The following RFX3 variants were observed in gnomAD, a reference collection of about 807,000 sequenced individuals.
RFX3 encodes the protein transcription factor RFX3.
RFX3 carries 14 observed loss-of-function variants against 98.6 expected under a neutral mutation model. The ratio of observed to expected loss-of-function variants is 0.14; its 90% CI spans 0.09 to 0.22. The LOEUF (loss-of-function observed/expected upper bound fraction) is 0.22, where lower values mean the gene tolerates loss of function less well. Among genes scored for constraint, RFX3 ranks in the 10% least tolerant of loss-of-function variants. RFX3 has a pLI of 1.00. For missense variants in RFX3, 639 were observed against 926.9 expected, an observed-to-expected ratio of 0.69 and a Z score of 4.03; for synonymous variants, 383 against 328.4, an observed-to-expected ratio of 1.17 and a Z score of -1.80.
intron 1 of RFX3, among the ~76,000 whole-genome samples, chr9:3,481,979 C>CT (rs1387907112): frequency 1.3e-5 from 2 of 152,052 alleles, no homozygotes; most frequent in Non-Finnish European, 2.9e-5. Flanking sequence ...AGAGAACACT[C>CT]TGATAATTGA....
chr9:3,308,971 T>C (rs1829650573), intron 4 of RFX3, among the ~76,000 whole-genome samples: 1 of 152,134 alleles, frequency 6.6e-6, no homozygotes, highest in Non-Finnish European at 1.5e-5. Flanking sequence ...ATCTCCACAC[T>C]AAGCCTGGAG....
intron 2 of RFX3, among the ~76,000 whole-genome samples, chr9:3,374,337 A>G (rs966369814): frequency 7.2e-5 from 11 of 152,290 alleles, no homozygotes; most frequent in South Asian, 2.1e-4. Flanking sequence ...TATACTCAAA[A>G]TAATTGAAAG....
intron 1 of RFX3, chr9:3,489,559 G>A: frequency 4.1e-6 from 1 of 244,134 alleles, no homozygotes. Flanking sequence ...TGATAAGCCT[G>A]CTACTGTATC....
intron 2 of RFX3, among the ~76,000 whole-genome samples, chr9:3,381,042 TAAAG>T (rs897491491): frequency 1.6e-3 from 238 of 152,190 alleles, no homozygotes; most frequent in African/African-American, 5.5e-3. Flanking sequence ...TTAAAATAAT[TAAAG>T]AAACACTCCA....
At chr9:3,263,565 T>C (rs969115229) in intron 12 of RFX3, among the ~76,000 whole-genome samples, 1 of 152,202 alleles carries the variant, frequency 6.6e-6, no homozygotes, top group South Asian at 2.1e-4. Flanking sequence ...TGTGAGAGCA[T>C]TACCATTCAG....
Position 3,516,716 on chromosome 9 carries a change from C to T in RFX3, c.-9+9031G>A, listed in dbSNP as rs528731803. Among the ~76,000 whole-genome samples the T allele has an allele frequency of 2.6e-5, 4 of 151,846 alleles. No homozygotes were observed. In the Middle Eastern group the frequency reaches 0.01, roughly 387 times the overall value. ...ATCAGAGAGCACACATGCACTAGCTCGCTTTCGCACTCTCTCTCTCTCTCT... is the reference window on the plus strand; with the variant it reads ...ATCAGAGAGCACACATGCACTAGCTTGCTTTCGCACTCTCTCTCTCTCTCT... On this transcript the variant is annotated intron_variant, in intron 1 of 16. Coordinates refer to ENST00000617270, the MANE Select transcript of RFX3 (RefSeq NM_001282116.2).
At chr9:3,394,129 T>C (rs1449853625) in intron 2 of RFX3, among the ~76,000 whole-genome samples, 1 of 152,166 alleles carries the variant, frequency 6.6e-6, no homozygotes, top group African/African-American at 2.4e-5. Context: ...TATGTGTATA[T>C]GGCAGAGTAT....
chr9:3,476,331 A>C (rs1343809180), intron 1 of RFX3, among the ~76,000 whole-genome samples: 1 of 152,100 alleles, frequency 6.6e-6, no homozygotes, highest in African/African-American at 2.4e-5. Context: ...CTGCCCACAG[A>C]ATATAATCAT....
At chr9:3,315,953 G>C (rs1023789678) in intron 4 of RFX3, among the ~76,000 whole-genome samples, 1 of 152,132 alleles carries the variant, frequency 6.6e-6, no homozygotes, top group Non-Finnish European at 1.5e-5. Flanking sequence ...GGTACAAAGA[G>C]GAGCTGGTAC....
rs917082950 is a variant in RFX3 at position 3,326,466 on chromosome 9, CT to C, written c.474+3792del. Among the ~76,000 whole-genome samples, 202 of 152,124 alleles carry C rather than the reference CT, an allele frequency of 1.3e-3. 1 individual carries two copies. Among genetic ancestry groups the C allele is most frequent in the African/African-American group, 4.6e-3 (191 of 41,502 alleles). ...TTAAGCCTATTATTCATTATTTTTC[CT>C]GATCCTCTCCCTCCTGCCACCCTCT... On this transcript the variant is annotated intron_variant, in intron 4 of 16. Coordinates refer to ENST00000617270, the MANE Select transcript of RFX3 (RefSeq NM_001282116.2).
chr9:3,278,029 G>C (rs867007723), intron 7 of RFX3, among the ~76,000 whole-genome samples: 1 of 151,754 alleles, frequency 6.6e-6, no homozygotes. Context: ...TCATTTTGTA[G>C]CAAAATATAT....
chr9:3,495,396 T>C (rs1362616250), intron 1 of RFX3, among the ~76,000 whole-genome samples: 1 of 152,064 alleles, frequency 6.6e-6, no homozygotes, highest in Non-Finnish European at 1.5e-5. Flanking sequence ...ACATCAGAAT[T>C]ACATATTCAT....
chr9:3,294,008 T>TA (rs1270496888), intron 5 of RFX3, among the ~76,000 whole-genome samples: 1 of 152,166 alleles, frequency 6.6e-6, no homozygotes, highest in African/African-American at 2.4e-5. Flanking sequence ...CAGTCTATGT[T>TA]CACATTCTAA....
chr9:3,345,054 A>G (rs1332200593), intron 3 of RFX3, among the ~76,000 whole-genome samples: 1 of 152,190 alleles, frequency 6.6e-6, no homozygotes, highest in African/African-American at 2.4e-5. Flanking sequence ...TCTTCCTACT[A>G]TGGGAAACAT....
chr9:3,459,339 G>C (rs1254144408), intron 1 of RFX3, among the ~76,000 whole-genome samples: 2 of 152,128 alleles, frequency 1.3e-5, no homozygotes, highest in Non-Finnish European at 2.9e-5. Context: ...TTTTACCAAA[G>C]GGTTCTCATT....
rs573707368 is a variant in RFX3 at position 3,404,352 on chromosome 9, A to T, written c.-8-8756T>A. On this transcript the variant is annotated intron_variant, in intron 1 of 16. Coordinates refer to ENST00000617270, the MANE Select transcript of RFX3 (RefSeq NM_001282116.2). ...GGAGAAAAATGTAAACAGATTAAAG[A>T]CTATAGCCAATACTGTAAATTCGGA... is the stretch of plus-strand genomic sequence containing the variant. Among the ~76,000 whole-genome samples, 5 of 152,308 alleles carry T rather than the reference A, an allele frequency of 3.3e-5. No individual in the cohort carries two copies. In the South Asian group the frequency reaches 1.0e-3, roughly 32 times the overall value.
intron 5 of RFX3, among the ~76,000 whole-genome samples, chr9:3,294,938 A>T (rs930890794): frequency 6.6e-6 from 1 of 152,166 alleles, no homozygotes; most frequent in Non-Finnish European, 1.5e-5. Context: ...TAAAAAGATT[A>T]CACAAAATAA....
intron 15 of RFX3, 182 bp downstream of exon 15, chr9:3,247,850 G>C (rs1400157078): frequency 6.2e-7 from 1 of 1,605,354 alleles, no homozygotes; most frequent in Non-Finnish European, 8.5e-7. Flanking sequence ...AGAATCTTTT[G>C]ATTAAGCACA....
intron 1 of RFX3, among the ~76,000 whole-genome samples, chr9:3,398,271 G>A (rs1345919184): frequency 6.6e-6 from 1 of 152,092 alleles, no homozygotes; most frequent in Non-Finnish European, 1.5e-5. Context: ...TCAAAATTTG[G>A]GGAGAGAATA....
Sources: gnomAD v4.1 joint callset for allele counts (sites outside exome capture counted in the v4.1 genomes callset) on GRCh38, gnomAD v4.1.1 for gene constraint, MANE v1.5 for transcripts, NCBI Gene and HGNC (gene_info 2026-07-23, HGNC 2026-07-21) for gene names.